ADGRL3: variants seen among roughly 807,000 people sequenced by gnomAD.
The protein encoded by ADGRL3 is calcium-independent alpha-latrotoxin receptor 3.
A neutral mutation model predicts 153.5 loss-of-function variants in ADGRL3; 62 were observed. The ratio of observed to expected loss-of-function variants is 0.40; its 90% CI spans 0.33 to 0.50. The LOEUF (loss-of-function observed/expected upper bound fraction) is 0.50. Among genes scored for constraint, ADGRL3 ranks in the 20% least tolerant of loss-of-function variants. The probability of loss-of-function intolerance (pLI) is 0.47; values close to 1 mark genes in which losing one functional copy is unlikely to be tolerated. For missense variants in ADGRL3, 1,641 were observed against 1,859.4 expected (o/e 0.88, Z 2.16); for synonymous variants, 710 against 672.5 (o/e 1.06, Z -0.86).
intron 2 of ADGRL3, among the ~76,000 whole-genome samples, chr4:61,452,236 A>G (rs116270947): frequency 6.6e-6 from 1 of 152,028 alleles, no homozygotes; most frequent in Non-Finnish European, 1.5e-5. Context: ...TCATTCCGGG[A>G]CTGCTCTGGA....
At chr4:61,556,260 A>G (rs544188729) in intron 4 of ADGRL3, among the ~76,000 whole-genome samples, 1 of 152,310 alleles carries the variant, frequency 6.6e-6, no homozygotes, top group East Asian at 1.9e-4. Context: ...TATAAAGAAT[A>G]TAGTCAGAGG....
At chr4:62,030,301 CT>C (rs1339031692) in intron 22 of ADGRL3, among the ~76,000 whole-genome samples, 65 of 151,602 alleles carry the variant, frequency 4.3e-4, no homozygotes, top group Non-Finnish European at 5.6e-4. Context: ...GTAAATATAT[CT>C]TCCTAAGTCA....
chr4:61,348,447 G>A (rs963619615), intron 1 of ADGRL3, among the ~76,000 whole-genome samples: 1 of 151,814 alleles, frequency 6.6e-6, no homozygotes, highest in African/African-American at 2.4e-5. Flanking sequence ...CTTTATTATT[G>A]CAAAGCAGAG....
At chr4:61,790,574 ACTCTTT>A (rs1413337153) in intron 8 of ADGRL3, among the ~76,000 whole-genome samples, 4 of 152,132 alleles carry the variant, frequency 2.6e-5, no homozygotes, top group Non-Finnish European at 4.4e-5. Flanking sequence ...GGTCTCTCTC[ACTCTTT>A]CTCTCTGTTG....
At chr4:61,313,043 AAAAT>A (rs951182445) in intron 1 of ADGRL3, among the ~76,000 whole-genome samples, 2 of 152,206 alleles carry the variant, frequency 1.3e-5, no homozygotes, top group African/African-American at 4.8e-5. Flanking sequence ...TTCAGAGATA[AAAAT>A]AAATAAGCTA....
intron 6 of ADGRL3, among the ~76,000 whole-genome samples, chr4:61,709,814 A>G (rs1245441407): frequency 1.3e-5 from 2 of 152,206 alleles, no homozygotes; most frequent in African/African-American, 4.8e-5. Context: ...TTACAATCAA[A>G]TCCTGGTGTA....
At chr4:61,630,888 G>A (rs919911988) in intron 5 of ADGRL3, among the ~76,000 whole-genome samples, 2 of 152,100 alleles carry the variant, frequency 1.3e-5, no homozygotes, top group Non-Finnish European at 2.9e-5. Flanking sequence ...TAGGTATTAT[G>A]GTCGAAATAG....
intron 8 of ADGRL3, among the ~76,000 whole-genome samples, chr4:61,767,093 G>T (rs1477284520): frequency 6.6e-6 from 1 of 151,836 alleles, no homozygotes; most frequent in Non-Finnish European, 1.5e-5. Flanking sequence ...GATGGTAAGG[G>T]GTGCATGATT....
rs1013865832 is a variant in ADGRL3, at chr4:62,070,544, G to A, written c.4268G>A (p.Arg1423Gln). 1.6e-5 allele frequency: 25 copies of A among 1,550,298 alleles called. No homozygotes were observed. The highest frequency in any genetic ancestry group is 1.5e-4 in the African/African-American group (11 of 72,474). Reference protein sequence around the residue: ...NHQPHHYTRRRIPQDHSESFF... With the variant: ...NHQPHHYTRRQIPQDHSESFF... ...CAGCCACACCATTATACCAGAAGGC[G>A]GATCCCCCAAGACCACAGTGAGAGC... Residue 1423 changes from arginine (R) to glutamine (Q), a missense_variant, in exon 27 of 27, where the codon CGG becomes CAG. Coordinates refer to ENST00000683033, the MANE Select transcript of ADGRL3 (RefSeq NM_001387552.1).
At chr4:61,534,480 G>A (rs184076166) in intron 4 of ADGRL3, among the ~76,000 whole-genome samples, 251 of 151,884 alleles carry the variant, frequency 1.7e-3, no homozygotes, top group Non-Finnish European at 2.5e-3. Context: ...GAAAAATGAT[G>A]TCAATAATTT....
At chr4:61,945,639 T>C (rs1299367583) in intron 15 of ADGRL3, among the ~76,000 whole-genome samples, 1 of 138,990 alleles carries the variant, frequency 7.2e-6, no homozygotes, top group Admixed American at 7.3e-5. Flanking sequence ...AGTCTCGTGG[T>C]GCGCCGTTTC....
intron 2 of ADGRL3, among the ~76,000 whole-genome samples, chr4:61,401,410 G>T (rs536519602): frequency 2.0e-5 from 3 of 151,866 alleles, no homozygotes; most frequent in Non-Finnish European, 4.4e-5. Flanking sequence ...ACATTCCAGT[G>T]TGATTTTAAA....
chr4:61,973,347 C>T (rs1397543), intron 17 of ADGRL3, among the ~76,000 whole-genome samples: 29,216 of 151,732 alleles, frequency 0.19, 3,445 homozygotes, highest in East Asian at 0.44. Context: ...TTGTGTAAGC[C>T]GTCCTTTCCT....
chr4:61,383,955 T>C (rs532099354), intron 2 of ADGRL3, among the ~76,000 whole-genome samples: 1 of 151,996 alleles, frequency 6.6e-6, no homozygotes, highest in South Asian at 2.1e-4. Context: ...TACATTATTA[T>C]AAATACAGAG....
intron 1 of ADGRL3, among the ~76,000 whole-genome samples, chr4:61,237,704 C>G (rs1753365667): frequency 6.6e-6 from 1 of 152,144 alleles, no homozygotes; most frequent in Non-Finnish European, 1.5e-5. Context: ...CTGGAATTAT[C>G]TCATGAAGTT....
intron 17 of ADGRL3, among the ~76,000 whole-genome samples, chr4:61,960,900 AG>A (rs1429675836): frequency 1.3e-5 from 2 of 151,884 alleles, no homozygotes; most frequent in African/African-American, 4.8e-5. Flanking sequence ...AGTAGAGATG[AG>A]GTTTCACCAT....
chr4:61,764,831 G>T (rs532005678), intron 8 of ADGRL3, among the ~76,000 whole-genome samples: 1 of 151,726 alleles, frequency 6.6e-6, no homozygotes, highest in African/African-American at 2.4e-5. Context: ...GATTAGGGGC[G>T]GCGTGGGAAC....
chr4:61,639,810 C>A (rs1005749353), intron 5 of ADGRL3, among the ~76,000 whole-genome samples: 14 of 152,012 alleles, frequency 9.2e-5, no homozygotes, highest in African/African-American at 3.1e-4. Flanking sequence ...AATCATATAG[C>A]CCATATTAAA....
intron 25 of ADGRL3, among the ~76,000 whole-genome samples, chr4:62,067,008 T>C (rs1254033557): frequency 1.8e-4 from 27 of 152,094 alleles, no homozygotes. Flanking sequence ...ATGCTTTCAT[T>C]TAAGGAATGA....
Sources: allele counts gnomAD v4.1 joint callset (sites outside exome capture counted in the v4.1 genomes callset), GRCh38; gene constraint gnomAD v4.1.1; transcripts MANE v1.5; gene names NCBI Gene and HGNC (gene_info 2026-07-23, HGNC 2026-07-21).